RAB11FIP4: variants seen among roughly 807,000 people sequenced by gnomAD.
RAB11FIP4 encodes rab11 family-interacting protein 4.
Under a neutral mutation model 74.3 loss-of-function variants are expected in RAB11FIP4, and 23 were observed. The ratio of observed to expected loss-of-function variants is 0.31; its 90% confidence interval spans 0.22 to 0.44. RAB11FIP4 has a LOEUF of 0.44. Among genes scored for constraint, RAB11FIP4 ranks in the 20% least tolerant of loss-of-function variants. The pLI is 1.00. For missense variants in RAB11FIP4, 630 were observed against 863.9 expected (o/e 0.73, Z 3.39); for synonymous variants, 360 against 359.9 (o/e 1.00, Z 0.00).
intron 3 of RAB11FIP4, among the ~76,000 whole-genome samples, chr17:31,473,377 CAAA>C (rs10562376): frequency 0.61 from 89,620 of 147,116 alleles, 27,028 homozygotes; most frequent in East Asian, 0.64. Context: ...CAGTCTCTAC[CAAA>C]AAAAAAAAAA....
At chr17:31,393,507 C>A (rs2070897332) in intron 1 of RAB11FIP4, among the ~76,000 whole-genome samples, 1 of 152,252 alleles carries the variant, frequency 6.6e-6, no homozygotes, top group African/African-American at 2.4e-5. Context: ...GGGCCACCGG[C>A]CTCAGCCACG....
chr17:31,417,376 C>T (rs1366983380), intron 1 of RAB11FIP4, among the ~76,000 whole-genome samples: 1 of 152,186 alleles, frequency 6.6e-6, no homozygotes, highest in Non-Finnish European at 1.5e-5. Context: ...AGGGAGTCTC[C>T]AGGTGCCCAG....
At chr17:31,490,063 T>C (rs1170671734) in intron 3 of RAB11FIP4, among the ~76,000 whole-genome samples, 1 of 151,972 alleles carries the variant, frequency 6.6e-6, no homozygotes, top group Non-Finnish European at 1.5e-5. Context: ...AGAGGGCCCA[T>C]TGGGTTCTAA....
intron 3 of RAB11FIP4, among the ~76,000 whole-genome samples, chr17:31,456,415 C>T (rs974266531): frequency 2.0e-5 from 3 of 152,176 alleles, no homozygotes; most frequent in Non-Finnish European, 4.4e-5. Context: ...CCATGTTGCC[C>T]AGGCTTGTCT....
intron 1 of RAB11FIP4, among the ~76,000 whole-genome samples, chr17:31,394,801 TA>T (rs1464048821): frequency 2.0e-5 from 3 of 152,120 alleles, no homozygotes; most frequent in South Asian, 2.1e-4. Flanking sequence ...GAGGCACTTG[TA>T]GGGGTGGTTT....
chr17:31,394,077 G>A (rs2070904465), intron 1 of RAB11FIP4, among the ~76,000 whole-genome samples: 1 of 152,146 alleles, frequency 6.6e-6, no homozygotes, highest in Admixed American at 6.5e-5. Flanking sequence ...CCTTCGGGGA[G>A]GGTCAGTGAT....
At position 31,502,256 on chromosome 17, in the gene RAB11FIP4, T is replaced by C. The variant is rs534174856; in HGVS notation, c.337-15395T>C. ...AAAAAAATTGTAAGTCAAACCATTG[T>C]AAGTTGAGGACCATCTGTAGTTCTC... On this transcript the variant is annotated intron_variant, in intron 3 of 14. Transcript: ENST00000621161. Among the ~76,000 whole-genome samples the C allele has an allele frequency of 1.7e-4, 25 of 151,282 alleles. No homozygotes were observed. The South Asian group carries it at 5.2e-3, about 32-fold the overall frequency.
chr17:31,458,392 A>G (rs2071601132), intron 3 of RAB11FIP4, among the ~76,000 whole-genome samples: 1 of 152,208 alleles, frequency 6.6e-6, no homozygotes, highest in African/African-American at 2.4e-5. Context: ...GGAGCCCCGC[A>G]GGGCATTGCG....
intron 1 of RAB11FIP4, among the ~76,000 whole-genome samples, chr17:31,415,629 C>A (rs2071139794): frequency 6.6e-6 from 1 of 152,080 alleles, no homozygotes; most frequent in Non-Finnish European, 1.5e-5. Flanking sequence ...TTAATGTTAT[C>A]CAGTGCTGTC....
intron 3 of RAB11FIP4, among the ~76,000 whole-genome samples, chr17:31,467,101 T>TTCTTTTCTTTTCTTTTCTTG (rs1381146963): frequency 4.0e-5 from 6 of 150,926 alleles, no homozygotes; most frequent in African/African-American, 1.5e-4. Context: ...GAGTATTTCT[T>TTCTTTTCTTTTCTTTTCTTG]TCTTTTCTTT....
At chr17:31,430,851 G>T (rs1326423304) in intron 1 of RAB11FIP4, among the ~76,000 whole-genome samples, 1 of 152,130 alleles carries the variant, frequency 6.6e-6, no homozygotes, top group Non-Finnish European at 1.5e-5. Flanking sequence ...GATTGAATGT[G>T]AGTGACAGTG....
At chr17:31,453,050 T>A (rs2142705560) in intron 3 of RAB11FIP4, among the ~76,000 whole-genome samples, 1 of 152,172 alleles carries the variant, frequency 6.6e-6, no homozygotes, top group South Asian at 2.1e-4. Flanking sequence ...GGCAAAATGT[T>A]CATTTAAACT....
chr17:31,411,484 A>G (rs772285624), intron 1 of RAB11FIP4, among the ~76,000 whole-genome samples: 9 of 152,222 alleles, frequency 5.9e-5, no homozygotes, highest in Non-Finnish European at 1.3e-4. Flanking sequence ...AAGTGAGGCC[A>G]GTAACTTCCC....
intron 3 of RAB11FIP4, chr17:31,509,270 C>T (rs2072409651): frequency 2.1e-5 from 2 of 93,770 alleles, no homozygotes; most frequent in African/African-American, 6.9e-5. Context: ...ATGCAAGAAG[C>T]CTGCTTGCTT....
chr17:31,536,438 G>A lies in RAB11FIP4; in HGVS notation c.*4706G>A, dbSNP rs919724559. The A allele has an allele frequency of 6.6e-6, 1 of 152,486 alleles. No homozygotes were observed. Among genetic ancestry groups the A allele is most frequent in the Non-Finnish European group, 1.5e-5 (1 of 68,256 alleles). 9.4% of individuals were successfully genotyped at this position (152,486 alleles called of 1,614,324 possible). ...TTTGGTTGCCCAGCAGATCCACAGC[G>A]ACTCTTTCTCAAGGGCTACTGTGGA... On this transcript the variant is annotated 3_prime_UTR_variant, in exon 15 of 15. Transcript: ENST00000621161.
At chr17:31,453,393 G>C (rs1265431498) in intron 3 of RAB11FIP4, among the ~76,000 whole-genome samples, 1 of 143,786 alleles carries the variant, frequency 7.0e-6, no homozygotes, top group Non-Finnish European at 1.5e-5. Flanking sequence ...AACCTGGGGA[G>C]AGTTTGGGAC....
chr17:31,392,441 G>A (rs1343259605), intron 1 of RAB11FIP4: 1 of 153,704 alleles, frequency 6.5e-6, no homozygotes, highest in Non-Finnish European at 1.4e-5. Flanking sequence ...GGACCGGTAG[G>A]GGTGCTCTGC....
At chr17:31,404,694 C>G (rs754502400) in intron 1 of RAB11FIP4, among the ~76,000 whole-genome samples, 4 of 152,048 alleles carry the variant, frequency 2.6e-5, no homozygotes, top group Non-Finnish European at 1.5e-5. Flanking sequence ...AGAGGGTATA[C>G]AGATGAGTAA....
intron 12 of RAB11FIP4, 26 bp downstream of exon 12, chr17:31,528,569 G>A (rs1259015078): frequency 3.1e-6 from 5 of 1,613,446 alleles, no homozygotes; most frequent in African/African-American, 2.7e-5. Context: ...GCAGGCACCA[G>A]GGCTCCTTCC....
Sources: gnomAD v4.1 joint callset for allele counts (sites outside exome capture counted in the v4.1 genomes callset) on GRCh38, gnomAD v4.1.1 for gene constraint, MANE v1.5 for transcripts, NCBI Gene and HGNC (gene_info 2026-07-23, HGNC 2026-07-21) for gene names.